SIGLEC11: variants seen among roughly 807,000 people sequenced by gnomAD.
SIGLEC11 encodes sialic acid-binding Ig-like lectin 11.
A neutral mutation model predicts 61.2 loss-of-function variants in SIGLEC11; 47 were observed. That is an observed-to-expected ratio of 0.77 (90% CI 0.61 to 0.98). The LOEUF (loss-of-function observed/expected upper bound fraction) is 0.98. SIGLEC11 is among the 50% of genes least tolerant of loss of function. The pLI, the probability that SIGLEC11 is intolerant of heterozygous loss-of-function variation, is 0.00. For synonymous variants in SIGLEC11, 278 were observed against 373.1 expected (o/e 0.75, Z 2.94); for missense variants, 610 against 870.3 (o/e 0.70, Z 3.76).
chr19:49,960,228 G>C lies in SIGLEC11; in HGVS notation c.654C>G (p.Ser218Arg). 6.5e-7 allele frequency: 1 copy of C among 1,549,750 alleles called. No homozygotes were observed. Residue 218 changes from serine (S) to arginine (R), a missense_variant, in exon 3 of 11, where the codon AGC becomes AGG. By Grantham distance (110) the Ser-to-Arg change is moderately radical (BLOSUM62 -1). Coordinates refer to ENST00000447370, the MANE Select transcript of SIGLEC11 (RefSeq NM_052884.3). Reference protein sequence around the residue: ...SHFSVLSFTPSPQDHDTDLTC... With the variant: ...SHFSVLSFTPRPQDHDTDLTC... ...TGAGGTCGGTGTCGTGGTCCTGGGG[G>C]CTGGGCGTGAAGCTGAGCACTGAGA...
intron 5 of SIGLEC11, 69 bp from the exon 6 acceptor site, chr19:49,959,146 T>G (rs1170121079): frequency 4.6e-6 from 7 of 1,535,052 alleles, no homozygotes; most frequent in Admixed American, 1.7e-5. Context: ...GGAACTATCC[T>G]GGACACTGAG....
At chr19:49,954,844 C>A (rs2076185050) in intron 8 of SIGLEC11, among the ~76,000 whole-genome samples, 1 of 152,164 alleles carries the variant, frequency 6.6e-6, no homozygotes, top group Non-Finnish European at 1.5e-5. Flanking sequence ...AAGATCCCAA[C>A]TGGAACCCAG....
rs530766856 is a variant in SIGLEC11, at chr19:49,949,381, T to C, written c.*589A>G. ...GAAGAGCATGGTCATCAACGGGGAATGGCAGTTGCAGCAAACAACTCCAGG... is the reference window on the plus strand; with the variant it reads ...GAAGAGCATGGTCATCAACGGGGAACGGCAGTTGCAGCAAACAACTCCAGG... On this transcript the variant is annotated 3_prime_UTR_variant, in exon 11 of 11. Coordinates refer to ENST00000447370, the MANE Select transcript of SIGLEC11 (RefSeq NM_052884.3). The C allele has an allele frequency of 3.3e-5, 5 of 151,774 alleles. No homozygotes were observed. The highest frequency in any genetic ancestry group is 7.4e-5 in the Non-Finnish European group (5 of 67,982). The allele number at this position is 151,774 out of a possible 1,614,324, so 9.4% of individuals were successfully genotyped here. A position where few individuals can be genotyped will look rare whatever the true frequency, so the allele number is the denominator to read the frequency against.
At chr19:49,958,009 CA>C (rs1026169612) in intron 8 of SIGLEC11, among the ~76,000 whole-genome samples, 1 of 151,364 alleles carries the variant, frequency 6.6e-6, no homozygotes, top group East Asian at 1.9e-4. Flanking sequence ...AACCAAAAAA[CA>C]AAAAAAACCC....
intron 9 of SIGLEC11, 120 bp from the exon 10 acceptor site, chr19:49,952,092 C>T (rs781074627): frequency 4.5e-6 from 5 of 1,111,164 alleles, no homozygotes; most frequent in African/African-American, 1.6e-5. Flanking sequence ...GGGACATATC[C>T]ACGGGGTGAC....
chr19:49,950,603 C>T (rs981410926), intron 10 of SIGLEC11, among the ~76,000 whole-genome samples: 4 of 152,168 alleles, frequency 2.6e-5, no homozygotes, highest in African/African-American at 9.7e-5. Flanking sequence ...GGCCAGGATT[C>T]ACGTCCAGGT....
At chr19:49,952,200 A>C in intron 9 of SIGLEC11, 98 bp downstream of exon 9, 1 of 1,299,256 alleles carries the variant, frequency 7.7e-7, no homozygotes, top group Non-Finnish European at 1.1e-6. Flanking sequence ...TAGTTCTCAC[A>C]CCCACTGCCC....
At position 49,952,371 on chromosome 19, in the gene SIGLEC11, G is replaced by A; in HGVS notation, c.1675C>T (p.Leu559Phe). 6.2e-7 allele frequency: 1 copy of A among 1,608,136 alleles called. No individual in the cohort carries two copies. Among genetic ancestry groups the A allele is most frequent in the Non-Finnish European group, 8.5e-7 (1 of 1,179,924 alleles). Residue 559 changes from leucine to phenylalanine, a missense_variant, in exon 9 of 11, where the codon CTT becomes TTT. Physicochemically the swap from Leu to Phe is conservative, Grantham distance 22 (BLOSUM62 0). This residue lies in a region of SIGLEC11 where 432 missense variants were observed against 441.5 expected (regional missense o/e 0.98). Transcript: ENST00000447370. The stretch of plus-strand genomic sequence containing the variant: ...GCTCCCAGGGCAGCCCCCAGGCCAA[G>A]TCCTCCCCCATGCTCCAGCTTCCCT... ...LPGKLEHGGG[L>F]GLGAALGAGV...
chr19:49,949,990 A>G lies in SIGLEC11; in HGVS notation c.2077T>C (p.Ser693Pro), dbSNP rs535933181. The G allele has an allele frequency of 4.2e-5, 63 of 1,494,616 alleles. 1 individual carries two copies. The South Asian group carries it at 8.5e-4, about 20-fold the overall frequency. 92.6% of individuals were successfully genotyped at this position (1,494,616 alleles called of 1,614,324 possible). ...CCTCTTCACTTTGGAACCATCCCTGACATCTCCCTCTCCAATTGAAGCCCA... is the reference window on the plus strand; with the variant it reads ...CCTCTTCACTTTGGAACCATCCCTGGCATCTCCCTCTCCAATTGAAGCCCA... ...GFGLQLEREM[S>P]GMVPK The change falls in exon 11 of 11, where the codon TCA (serine) becomes CCA (proline). Residue 693 changes from serine to proline, a missense_variant. Physicochemically the swap from Ser to Pro is moderately conservative, Grantham distance 74. Transcript: ENST00000447370.
chr19:49,958,452 C>T lies in SIGLEC11; in HGVS notation c.1482G>A (p.Leu494=). 2 of 1,613,408 alleles carry T rather than the reference C, an allele frequency of 1.2e-6. No individual in the cohort carries two copies. The highest frequency in any genetic ancestry group is 1.7e-6 in the Non-Finnish European group (2 of 1,179,868). ...SLRWWLGEEL[L]EGNSSQGSFE... ...AGGAGCCCTGACTGCTGTTCCCCTC[C>T]AGCAGCTCCTCCCCAAGCCACCAGC... is the stretch of plus-strand genomic sequence containing the variant. The change falls in exon 8 of 11, where the codon CTG becomes CTA. Residue 494 remains leucine, a synonymous_variant. Coordinates refer to ENST00000447370, the MANE Select transcript of SIGLEC11 (RefSeq NM_052884.3).
intron 8 of SIGLEC11, among the ~76,000 whole-genome samples, chr19:49,956,245 TG>T (rs1428353162): frequency 6.6e-6 from 1 of 152,220 alleles, no homozygotes; most frequent in Non-Finnish European, 1.5e-5. Context: ...TGTTGCTCGC[TG>T]GGGAAAAGTT....
Position 49,951,205 on chromosome 19 carries a change from G to A in SIGLEC11, c.1830+686C>T. Among the ~76,000 whole-genome samples, 1 of 152,180 alleles carries A rather than the reference G, an allele frequency of 6.6e-6. No homozygotes were observed. The highest frequency in any genetic ancestry group is 1.9e-4 in the East Asian group (1 of 5,198). On this transcript the variant is annotated intron_variant, in intron 10 of 10. Coordinates refer to ENST00000447370, the MANE Select transcript of SIGLEC11 (RefSeq NM_052884.3). The surrounding 1 kb of genome is among the most constrained non-coding windows in gnomAD (Gnocchi z 4.6). ...CCAGTGAACCCTGGACCCAGGTTTG[G>A]TGGAGCTTCCCAGGTGAGCGGTGCC...
chr19:49,958,601 G>A (rs992091553), intron 7 of SIGLEC11, 31 bp from the exon 8 acceptor site: 1 of 1,566,496 alleles, frequency 6.4e-7, no homozygotes, highest in South Asian at 1.2e-5. Context: ...ACTCAGCAGG[G>A]GCCCCTTCCT....
intron 7 of SIGLEC11, 29 bp downstream of exon 7, chr19:49,958,614 G>A (rs2076216309): frequency 6.4e-7 from 1 of 1,567,768 alleles, no homozygotes; most frequent in African/African-American, 1.4e-5. Flanking sequence ...CCCTTCCTGG[G>A]ACCCAGGTGT....
chr19:49,957,678 T>C lies in SIGLEC11; in HGVS notation c.1651+605A>G, dbSNP rs1568747938. On this transcript the variant is annotated intron_variant, in intron 8 of 10. Transcript: ENST00000447370. ...GTTATGCACTATATAATTAACCGCT[T>C]TTGTTTTACTTTTGTAAGTCCGCTT... Among the ~76,000 whole-genome samples the C allele has an allele frequency of 3.9e-5, 6 of 152,258 alleles. No homozygotes were observed. The South Asian group carries it at 1.0e-3, about 26-fold the overall frequency.
chr19:49,951,759 G>T lies in SIGLEC11; in HGVS notation c.1830+132C>A. 1 of 717,512 alleles carries T rather than the reference G, an allele frequency of 1.4e-6. No individual in the cohort carries two copies. 44.4% of individuals were successfully genotyped at this position (717,512 alleles called of 1,614,324 possible). A position where few individuals can be genotyped will look rare whatever the true frequency, so the allele number is the denominator to read the frequency against. ...CTCCCAGATCATGGGACTTGGGACTGCATTGATGGGGACCCAGGAGCAAAA... is the reference window on the plus strand; with the variant it reads ...CTCCCAGATCATGGGACTTGGGACTTCATTGATGGGGACCCAGGAGCAAAA... On this transcript the variant is annotated intron_variant, in intron 10 of 10. Coordinates refer to ENST00000447370, the MANE Select transcript of SIGLEC11 (RefSeq NM_052884.3). The surrounding 1 kb of genome is among the most constrained non-coding windows in gnomAD (Gnocchi z 4.6).
In SIGLEC11 at chr19:49,960,616, C is replaced by T. The variant is rs1336178430; in HGVS notation, c.396G>A (p.Arg132=). Residue 132 remains arginine, a synonymous_variant, in exon 2 of 11, where the codon CGG becomes CGA. Coordinates refer to ENST00000447370, the MANE Select transcript of SIGLEC11 (RefSeq NM_052884.3). ...QREDEAWYFF[R]VERGSRVRHS... Reference sequence around the variant, plus strand: ...GTCTCACACGGCTTCCTCTCTCCACCCGAAAGAAGTACCATGCCTCATCCT... The same window carrying T: ...GTCTCACACGGCTTCCTCTCTCCACTCGAAAGAAGTACCATGCCTCATCCT... 1 of 1,600,798 alleles carries T rather than the reference C, an allele frequency of 6.2e-7. No homozygotes were observed. Among genetic ancestry groups the T allele is most frequent in the African/African-American group, 1.6e-5 (1 of 63,736 alleles).
At chr19:49,960,470 G>A (rs80184294) in intron 2 of SIGLEC11, 49 bp from the exon 3 acceptor site, 266,202 of 1,568,744 alleles carry the variant, frequency 0.17, 6,519 homozygotes, top group East Asian at 0.27. Flanking sequence ...GGGTCCCTGA[G>A]AGCCCTCTCT....
In SIGLEC11 at chr19:49,952,120, G is replaced by A. The variant is rs1052084896; in HGVS notation, c.1749-148C>T. ...GGGGTGACTTCCATAGTGAGAACTG[G>A]GGACCCTCATAGATGGCCCAGATCA... On this transcript the variant is annotated intron_variant, in intron 9 of 10. Coordinates refer to ENST00000447370, the MANE Select transcript of SIGLEC11 (RefSeq NM_052884.3). 3.9e-6 allele frequency: 4 copies of A among 1,018,876 alleles called. No homozygotes were observed. The Admixed American group carries it at 1.1e-4, about 28-fold the overall frequency. The allele number at this position is 1,018,876 out of a possible 1,614,324, so 63.1% of individuals were successfully genotyped here. A position where few individuals can be genotyped will look rare whatever the true frequency, so the allele number is the denominator to read the frequency against.
Sources: allele counts gnomAD v4.1 joint callset (sites outside exome capture counted in the v4.1 genomes callset), GRCh38; gene constraint gnomAD v4.1.1; regional missense constraint gnomAD v4.1.1; non-coding constraint Gnocchi (gnomAD v3.1); transcripts MANE v1.5; gene names NCBI Gene and HGNC (gene_info 2026-07-23, HGNC 2026-07-21).